Variants in RSPO2 observed in about 807,000 individuals in gnomAD.
RSPO2 encodes R-spondin 2.
RSPO2 carries 14 observed loss-of-function variants against 30.9 expected under a neutral mutation model. The observed-to-expected ratio is 0.45, with a 90% CI of 0.30 to 0.71. The LOEUF is 0.71. RSPO2 is among the 30% of genes least tolerant of loss of function. The pLI, the probability that RSPO2 is intolerant of heterozygous loss-of-function variation, is 0.08. For synonymous variants in RSPO2, 107 were observed against 96.4 expected, an observed-to-expected ratio of 1.11 and a Z score of -0.64; for missense variants, 264 against 301.9, an observed-to-expected ratio of 0.87 and a Z score of 0.93.
At chr8:107,919,844 A>G (rs1004337343) in intron 5 of RSPO2, among the ~76,000 whole-genome samples, 5 of 152,194 alleles carry the variant, frequency 3.3e-5, no homozygotes, top group African/African-American at 1.2e-4. Flanking sequence ...AGTTACAAAA[A>G]TTAAAGAAAT....
chr8:107,967,939 C>CA lies in RSPO2; in HGVS notation c.284-7123dup, dbSNP rs140042726. On this transcript the variant is annotated intron_variant, in intron 3 of 5. Coordinates refer to ENST00000276659, the MANE Select transcript of RSPO2 (RefSeq NM_178565.5). ...TCATGTATTTTTTTAAAGGTATTAT[C>CA]AGTCTCTATCTTACAGGCTTTTTGA... 7.1e-4 allele frequency among the ~76,000 whole-genome samples: 108 copies of CA among 152,174 alleles called. No individual in the cohort carries two copies. The East Asian group carries it at 0.01, about 14-fold the overall frequency.
intron 3 of RSPO2, among the ~76,000 whole-genome samples, chr8:107,961,328 G>A (rs1813620507): frequency 6.6e-6 from 1 of 152,126 alleles, no homozygotes; most frequent in Non-Finnish European, 1.5e-5. Flanking sequence ...ACCTGGGTGG[G>A]GCATGGGGGT....
chr8:107,997,319 C>T (rs1815063552), intron 2 of RSPO2: 1 of 153,666 alleles, frequency 6.5e-6, no homozygotes, highest in Non-Finnish European at 1.4e-5. Context: ...ATGGCTCTGC[C>T]CATTGCTCTG....
intron 5 of RSPO2, among the ~76,000 whole-genome samples, chr8:107,950,270 A>T (rs551039005): frequency 1.3e-5 from 2 of 152,308 alleles, no homozygotes; most frequent in South Asian, 2.1e-4. Flanking sequence ...CCCCTCTAAA[A>T]GCTGCTATTA....
At chr8:108,080,349 TTTGA>T (rs1813154767) in intron 2 of RSPO2, among the ~76,000 whole-genome samples, 1 of 151,916 alleles carries the variant, frequency 6.6e-6, no homozygotes, top group Non-Finnish European at 1.5e-5. Flanking sequence ...AGAAAAAAAG[TTTGA>T]TTTTTTTTTT....
At chr8:107,954,889 G>A (rs1484757300) in intron 5 of RSPO2, among the ~76,000 whole-genome samples, 4 of 152,156 alleles carry the variant, frequency 2.6e-5, no homozygotes, top group East Asian at 1.9e-4. Context: ...GATTACAGGC[G>A]TGAGCCATTG....
chr8:108,049,761 C>A (rs1472290797), intron 2 of RSPO2, among the ~76,000 whole-genome samples: 1 of 152,134 alleles, frequency 6.6e-6, no homozygotes, highest in Non-Finnish European at 1.5e-5. Flanking sequence ...ACATAGTATT[C>A]CATGGTGTAT....
chr8:107,983,139 C>G, intron 3 of RSPO2: 1 of 1,488,568 alleles, frequency 6.7e-7, no homozygotes, highest in Admixed American at 2.1e-5. Flanking sequence ...AAGGACCCCT[C>G]AACCTGGCTC....
chr8:107,917,902 T>C (rs1812028876), intron 5 of RSPO2, among the ~76,000 whole-genome samples: 1 of 152,190 alleles, frequency 6.6e-6, no homozygotes, highest in African/African-American at 2.4e-5. Flanking sequence ...CCACAGACAA[T>C]TGTTGTCTTG....
chr8:107,980,303 A>G (rs879463864), intron 3 of RSPO2, among the ~76,000 whole-genome samples: 3 of 152,154 alleles, frequency 2.0e-5, no homozygotes, highest in South Asian at 4.1e-4. Flanking sequence ...TGTAAGCTGT[A>G]TTAAGCAGGC....
intron 2 of RSPO2, among the ~76,000 whole-genome samples, chr8:108,051,687 G>C (rs969349598): frequency 2.6e-5 from 4 of 152,104 alleles, no homozygotes; most frequent in African/African-American, 9.7e-5. Flanking sequence ...AACAGGAGAG[G>C]TAGTATAAAT....
rs191843238 is a variant in RSPO2, at chr8:108,058,871, A to G, written c.94+23674T>C. On this transcript the variant is annotated intron_variant, in intron 2 of 5. Coordinates refer to ENST00000276659, the MANE Select transcript of RSPO2 (RefSeq NM_178565.5). ...TTCAAGATGGATTAAGTACTTAAAC[A>G]TTAGACCTAAAACCATAAAAACCCT... Among the ~76,000 whole-genome samples, 868 of 150,840 alleles carry G rather than the reference A, an allele frequency of 5.8e-3. 7 individuals carry two copies. Among genetic ancestry groups the G allele is most frequent in the African/African-American group, 0.021 (837 of 40,182 alleles).
At chr8:107,905,427 A>G (rs1443863110) in intron 5 of RSPO2, among the ~76,000 whole-genome samples, 1 of 152,118 alleles carries the variant, frequency 6.6e-6, no homozygotes, top group African/African-American at 2.4e-5. Context: ...CAAGCTGTGG[A>G]AAGTAAGCCA....
chr8:107,913,367 G>A (rs1398220022), intron 5 of RSPO2, among the ~76,000 whole-genome samples: 1 of 152,172 alleles, frequency 6.6e-6, no homozygotes, highest in African/African-American at 2.4e-5. Context: ...ATAAAATGAA[G>A]CCTGGGGCCA....
Position 108,064,065 on chromosome 8 carries a change from C to T in RSPO2, c.94+18480G>A, listed in dbSNP as rs545209595. Among the ~76,000 whole-genome samples the T allele has an allele frequency of 5.9e-5, 9 of 152,158 alleles. No homozygotes were observed. The South Asian group carries it at 1.9e-3, about 32-fold the overall frequency. On this transcript the variant is annotated intron_variant, in intron 2 of 5. Coordinates refer to ENST00000276659, the MANE Select transcript of RSPO2 (RefSeq NM_178565.5). ...AAAGACTTAAACGTTAGACCTAAAA[C>T]CATAAAAACCCTAGAAGAAAACCTA... is the stretch of plus-strand genomic sequence containing the variant.
chr8:107,981,993 GCAA>G lies in RSPO2; in HGVS notation c.283+7060_283+7062del, dbSNP rs1253745541. ...TGAGGCTTCATTGAGCTATGACTGT[GCAA>G]CAACAACAACAACAAAAAAAAAAAA... On this transcript the variant is annotated intron_variant, in intron 3 of 5. Coordinates refer to ENST00000276659, the MANE Select transcript of RSPO2 (RefSeq NM_178565.5). Among the ~76,000 whole-genome samples the G allele has an allele frequency of 2.7e-3, 285 of 103,680 alleles. 2 individuals are homozygous for G. Among genetic ancestry groups the G allele is most frequent in the East Asian group, 0.023 (81 of 3,510 alleles). The allele number at this position is 103,680 out of a possible 152,430, so 68.0% of individuals were successfully genotyped here. A position where few individuals can be genotyped will look rare whatever the true frequency, so the allele number is the denominator to read the frequency against.
At chr8:107,978,294 G>T (rs1297423367) in intron 3 of RSPO2, among the ~76,000 whole-genome samples, 7 of 152,114 alleles carry the variant, frequency 4.6e-5, no homozygotes, top group Admixed American at 2.0e-4. Flanking sequence ...GGGCATGGTG[G>T]TTGGCATCTG....
chr8:107,983,510 G>A (rs1814521091), intron 3 of RSPO2: 2 of 1,600,526 alleles, frequency 1.2e-6, no homozygotes, highest in Non-Finnish European at 1.7e-6. Context: ...GAGATTCAGG[G>A]GATCTTTGAC....
At chr8:108,082,362 G>C (rs1208243509) in intron 2 of RSPO2, among the ~76,000 whole-genome samples, 183 bp downstream of exon 2, 1 of 152,120 alleles carries the variant, frequency 6.6e-6, no homozygotes, top group Non-Finnish European at 1.5e-5. Context: ...GCGCCTCCAG[G>C]GTACAGAAAA....
Sources: gnomAD v4.1 joint callset for allele counts (sites outside exome capture counted in the v4.1 genomes callset) on GRCh38, gnomAD v4.1.1 for gene constraint, MANE v1.5 for transcripts, NCBI Gene and HGNC (gene_info 2026-07-23, HGNC 2026-07-21) for gene names.